C2orf92: variants seen among roughly 807,000 people sequenced by gnomAD.
C2orf92 encodes the protein uncharacterized protein C2orf92.
rs755286647 is a variant in C2orf92, at chr2:97,675,929, G to A, written c.232+1G>A. 8 of 398,470 alleles carry A rather than the reference G, an allele frequency of 2.0e-5. No individual in the cohort carries two copies. Among genetic ancestry groups the A allele is most frequent in the Non-Finnish European group, 3.5e-5 (8 of 226,070 alleles). The allele number at this position is 398,470 out of a possible 1,614,324, so 24.7% of individuals were successfully genotyped here. A position where few individuals can be genotyped will look rare whatever the true frequency, so the allele number is the denominator to read the frequency against. On this transcript the variant is annotated splice_donor_variant, in intron 3 of 7. Transcript: ENST00000627399. LOFTEE classifies it high-confidence loss of function. ...GAGGAACATTTGGCTAAAATATTTG[G>A]TAAGTAGCCTCCTGCTATGAAGCCT...
At chr2:97,678,807 T>TAAA (rs58050567) in intron 3 of C2orf92, among the ~76,000 whole-genome samples, 6 of 110,168 alleles carry the variant, frequency 5.4e-5, no homozygotes, top group East Asian at 2.6e-4. Flanking sequence ...CTGTTTCTAC[T>TAAA]AAAAAAAAAA....
chr2:97,684,256 C>T (rs570122880), intron 3 of C2orf92, among the ~76,000 whole-genome samples: 8 of 152,114 alleles, frequency 5.3e-5, no homozygotes, highest in African/African-American at 1.7e-4. Flanking sequence ...AGGATGGTTT[C>T]GATCCCCTGA....
At chr2:97,667,761 G>A (rs1675283502), upstream of C2orf92, among the ~76,000 whole-genome samples, 1 of 152,118 alleles carries the variant, frequency 6.6e-6, no homozygotes, top group African/African-American at 2.4e-5. Context: ...AAAAGCCTAT[G>A]TAACCCTTTT....
upstream of C2orf92, among the ~76,000 whole-genome samples, chr2:97,665,522 G>A (rs1412118143): frequency 6.6e-6 from 1 of 152,004 alleles, no homozygotes; most frequent in Non-Finnish European, 1.5e-5. Flanking sequence ...GAAAGCAAGA[G>A]GGGGAACACA....
intron 1 of C2orf92, among the ~76,000 whole-genome samples, chr2:97,673,289 C>G (rs1240707908): frequency 6.6e-6 from 1 of 152,116 alleles, no homozygotes; most frequent in African/African-American, 2.4e-5. Context: ...TTCAGTGGCA[C>G]GAAGCGTGGG....
At chr2:97,700,886 C>A (rs958483559) in intron 6 of C2orf92, among the ~76,000 whole-genome samples, 1 of 152,112 alleles carries the variant, frequency 6.6e-6, no homozygotes, top group Non-Finnish European at 1.5e-5. Flanking sequence ...CCCGCCACCA[C>A]GCCCGGCTAA....
At chr2:97,699,334 G>A (rs554831224) in intron 6 of C2orf92, among the ~76,000 whole-genome samples, 198 bp downstream of exon 6, 6 of 152,202 alleles carry the variant, frequency 3.9e-5, no homozygotes, top group South Asian at 4.1e-4. Flanking sequence ...GGTGGCTCAC[G>A]CCTGTAATCC....
intron 1 of C2orf92, chr2:97,670,075 G>T: frequency 2.7e-6 from 1 of 367,806 alleles, no homozygotes. Context: ...GCATACATGC[G>T]TATTTTAACT....
intron 5 of C2orf92, among the ~76,000 whole-genome samples, chr2:97,694,065 T>A (rs1307722857): frequency 1.3e-5 from 2 of 152,052 alleles, no homozygotes; most frequent in Non-Finnish European, 2.9e-5. Flanking sequence ...ATAATAACCA[T>A]CCATTCCTCC....
chr2:97,667,012 T>C (rs1675254082), upstream of C2orf92: 2 of 152,194 alleles, frequency 1.3e-5, no homozygotes, highest in Admixed American at 1.3e-4. Context: ...TGAAAACATA[T>C]TAGTATTGCC....
At chr2:97,664,017 A>G, upstream of C2orf92, 1 of 429,880 alleles carries the variant, frequency 2.3e-6, no homozygotes, top group East Asian at 5.1e-5. Flanking sequence ...CCGAGCCTGC[A>G]GCCTACGCGA....
intron 6 of C2orf92, among the ~76,000 whole-genome samples, chr2:97,700,471 C>T (rs531279366): frequency 2.8e-4 from 42 of 152,192 alleles, no homozygotes; most frequent in Non-Finnish European, 5.6e-4. Context: ...TCAACCTCCT[C>T]TAGTGCCCCT....
chr2:97,680,687 G>C (rs1026264597), intron 3 of C2orf92, among the ~76,000 whole-genome samples: 1 of 152,172 alleles, frequency 6.6e-6, no homozygotes, highest in Non-Finnish European at 1.5e-5. Flanking sequence ...AGCACTTTAG[G>C]AGGCCGAGGC....
chr2:97,684,952 CAG>C (rs1397076496), intron 3 of C2orf92, among the ~76,000 whole-genome samples: 1 of 149,572 alleles, frequency 6.7e-6, no homozygotes, highest in Non-Finnish European at 1.5e-5. Flanking sequence ...ATTTTTGAGA[CAG>C]AGTCTTGTTC....
intron 4 of C2orf92, 47 bp downstream of exon 4, chr2:97,689,040 CTA>C: frequency 5.0e-6 from 2 of 398,442 alleles, no homozygotes; most frequent in Non-Finnish European, 8.9e-6. Context: ...TTCTATAGGC[CTA>C]TGTGTTGTCT....
At chr2:97,694,602 A>G (rs936221922) in intron 5 of C2orf92, 3 of 151,922 alleles carry the variant, frequency 2.0e-5, no homozygotes, top group Non-Finnish European at 4.4e-5. Flanking sequence ...ATTCCATTGT[A>G]TGTATCTACC....
At chr2:97,677,469 A>C (rs1471070919) in intron 3 of C2orf92, 1 of 152,254 alleles carries the variant, frequency 6.6e-6, no homozygotes, top group Non-Finnish European at 1.5e-5. Context: ...GAGATAAGAA[A>C]ACAGAAAATT....
intron 3 of C2orf92, among the ~76,000 whole-genome samples, chr2:97,682,156 A>G (rs1273879213): frequency 2.0e-5 from 3 of 152,070 alleles, no homozygotes; most frequent in African/African-American, 7.2e-5. Flanking sequence ...GGAAATAGAA[A>G]GCATTTAATG....
chr2:97,675,648 T>G (rs111586719), intron 2 of C2orf92, 197 bp from the exon 3 acceptor site: 573 of 394,024 alleles, frequency 1.5e-3, no homozygotes, highest in Non-Finnish European at 2.3e-3. Flanking sequence ...GAAAATGAGC[T>G]TAGCCCCTGG....
Sources: allele counts gnomAD v4.1 joint callset (sites outside exome capture counted in the v4.1 genomes callset), GRCh38; gene constraint gnomAD v4.1.1; transcripts MANE v1.5; gene names NCBI Gene and HGNC (gene_info 2026-07-23, HGNC 2026-07-21).